The following ANAPC10 variants were observed in gnomAD, a reference collection of about 807,000 sequenced individuals.
The protein encoded by ANAPC10 is anaphase promoting complex subunit 10, also known as anaphase-promoting complex subunit 10.
In ANAPC10, 12 loss-of-function variants were observed where a neutral mutation model predicts 22.0. The ratio of observed to expected loss-of-function variants is 0.55; its 90% confidence interval spans 0.35 to 0.88. The LOEUF is 0.88. Among genes scored for constraint, ANAPC10 ranks in the 40% least tolerant of loss-of-function variants. The pLI is 0.01. For missense variants in ANAPC10, 188 were observed against 220.9 expected (o/e 0.85, Z 0.94); for synonymous variants, 65 against 69.5 (o/e 0.94, Z 0.32).
At chr4:145,081,543 G>A in intron 3 of ANAPC10, 117 bp downstream of exon 3, 2 of 627,810 alleles carry the variant, frequency 3.2e-6, no homozygotes, top group East Asian at 5.9e-5. Flanking sequence ...AGACTTCAGA[G>A]TTTAAAAAGT....
intron 4 of ANAPC10, among the ~76,000 whole-genome samples, chr4:145,055,351 A>C (rs903395096): frequency 1.3e-5 from 2 of 152,222 alleles, no homozygotes; most frequent in Admixed American, 1.3e-4. Flanking sequence ...TGAGGTCAGG[A>C]GTTCGAGACT....
At chr4:145,006,871 A>G (rs1052955032) in intron 4 of ANAPC10, among the ~76,000 whole-genome samples, 1 of 151,942 alleles carries the variant, frequency 6.6e-6, no homozygotes, top group Admixed American at 6.6e-5. Flanking sequence ...TTGTCTCTGC[A>G]GAGACTCCTC....
At chr4:145,002,119 A>C (rs761849694) in intron 4 of ANAPC10, among the ~76,000 whole-genome samples, 2 of 152,156 alleles carry the variant, frequency 1.3e-5, no homozygotes, top group Non-Finnish European at 2.9e-5. Flanking sequence ...ATTCTGTAGA[A>C]TCTTACTACG....
At chr4:145,034,575 G>A (rs2008536) in intron 4 of ANAPC10, among the ~76,000 whole-genome samples, 119,308 of 125,526 alleles carry the variant, frequency 0.95, 56,894 homozygotes, top group East Asian at 0.98. Context: ...GTGTGTGTGT[G>A]TATATATCCC....
At chr4:145,060,561 A>C (rs926660751) in intron 4 of ANAPC10, among the ~76,000 whole-genome samples, 1 of 151,968 alleles carries the variant, frequency 6.6e-6, no homozygotes, top group African/African-American at 2.4e-5. Flanking sequence ...AAGTAAACAA[A>C]TTCATAATTT....
chr4:145,006,997 A>G (rs1461134602), intron 4 of ANAPC10, among the ~76,000 whole-genome samples: 1 of 152,104 alleles, frequency 6.6e-6, no homozygotes, highest in African/African-American at 2.4e-5. Context: ...TCAAGTGGCT[A>G]TATGCTGAAG....
intron 4 of ANAPC10, among the ~76,000 whole-genome samples, chr4:145,007,856 A>C (rs1279198561): frequency 3.6e-5 from 2 of 55,364 alleles, no homozygotes; most frequent in East Asian, 1.2e-3. Flanking sequence ...CAGAGACACA[A>C]AAAAAACCCT....
intron 4 of ANAPC10, among the ~76,000 whole-genome samples, chr4:145,013,955 G>A (rs534764428): frequency 5.3e-4 from 81 of 152,198 alleles, no homozygotes; most frequent in African/African-American, 1.9e-3. Flanking sequence ...CCCCAGGCAG[G>A]CCATTCTTGC....
intron 4 of ANAPC10, among the ~76,000 whole-genome samples, chr4:145,017,601 C>A (rs1368001021): frequency 6.6e-6 from 1 of 152,082 alleles, no homozygotes; most frequent in African/African-American, 2.4e-5. Flanking sequence ...ACCATTTGAC[C>A]CAGCCATCCC....
At position 145,029,357 on chromosome 4, in the gene ANAPC10, C is replaced by T. The variant is rs868787229; in HGVS notation, c.328-33754G>A. On this transcript the variant is annotated intron_variant, in intron 4 of 4. Coordinates refer to ENST00000507656, the MANE Select transcript of ANAPC10 (RefSeq NM_001256706.2). ...GTTGATTCTCCTCAGGAGCCACCCC[C>T]GACACCCTTGTTTGCTTCTAGACCT... is the stretch of plus-strand genomic sequence containing the variant. 5.3e-5 allele frequency among the ~76,000 whole-genome samples: 8 copies of T among 152,256 alleles called. 1 individual carries two copies. The highest frequency in any genetic ancestry group is 7.2e-5 in the African/African-American group (3 of 41,548).
chr4:145,027,130 A>C (rs1433296449), intron 4 of ANAPC10, among the ~76,000 whole-genome samples: 2 of 145,316 alleles, frequency 1.4e-5, no homozygotes, highest in East Asian at 4.1e-4. Flanking sequence ...CAGCCTCCCG[A>C]GTAGCTGAGA....
upstream of ANAPC10, chr4:145,098,314 G>C (rs953197164): frequency 2.6e-5 from 4 of 152,406 alleles, no homozygotes; most frequent in African/African-American, 9.6e-5. Flanking sequence ...GCTGGGCACC[G>C]CCATTTTGGC....
At chr4:144,998,052 C>T (rs1187677774) in intron 4 of ANAPC10, among the ~76,000 whole-genome samples, 2 of 152,092 alleles carry the variant, frequency 1.3e-5, no homozygotes, top group African/African-American at 4.8e-5. Flanking sequence ...ATATATGCAC[C>T]CAATACAGGA....
intron 4 of ANAPC10, among the ~76,000 whole-genome samples, chr4:145,000,968 C>A (rs1732445412): frequency 1.3e-5 from 2 of 152,076 alleles, no homozygotes; most frequent in African/African-American, 4.8e-5. Flanking sequence ...ACCGCATGTT[C>A]TCACTCATAA....
At chr4:145,088,230 C>T (rs1009962143) in intron 2 of ANAPC10, among the ~76,000 whole-genome samples, 2 of 151,932 alleles carry the variant, frequency 1.3e-5, no homozygotes, top group Admixed American at 6.6e-5. Context: ...TTCAAGTGTC[C>T]CAAAGCTTTA....
At chr4:145,026,989 T>TATATA (rs1736851394) in intron 4 of ANAPC10, among the ~76,000 whole-genome samples, 2 of 9,542 alleles carry the variant, frequency 2.1e-4, no homozygotes, top group African/African-American at 3.8e-4. Context: ...ATATATATAT[T>TATATA]TTTTTTTTTT....
intron 2 of ANAPC10, among the ~76,000 whole-genome samples, chr4:145,090,390 A>C (rs1352720822): frequency 6.6e-6 from 1 of 152,202 alleles, no homozygotes; most frequent in Non-Finnish European, 1.5e-5. Flanking sequence ...CAGATATGGA[A>C]GGCTAACTGT....
chr4:145,008,026 T>C (rs1733694323), intron 4 of ANAPC10, among the ~76,000 whole-genome samples: 1 of 152,084 alleles, frequency 6.6e-6, no homozygotes, highest in Non-Finnish European at 1.5e-5. Context: ...CCCACAGAAG[T>C]ACAAACTACC....
At chr4:145,045,744 T>C (rs1173253483) in intron 4 of ANAPC10, among the ~76,000 whole-genome samples, 1 of 152,066 alleles carries the variant, frequency 6.6e-6, no homozygotes, top group Non-Finnish European at 1.5e-5. Context: ...ATGTCACACG[T>C]CAATACTCCT....
Sources: gnomAD v4.1 joint callset for allele counts (sites outside exome capture counted in the v4.1 genomes callset) on GRCh38, gnomAD v4.1.1 for gene constraint, MANE v1.5 for transcripts, NCBI Gene and HGNC (gene_info 2026-07-23, HGNC 2026-07-21) for gene names.